DACH1: variants seen among roughly 807,000 people sequenced by gnomAD.
The protein encoded by DACH1 is dachshund family transcription factor 1, also known as dachshund homolog 1.
Under a neutral mutation model 54.2 loss-of-function variants are expected in DACH1, and 12 were observed. The ratio of observed to expected loss-of-function variants is 0.22; its 90% confidence interval spans 0.14 to 0.36. DACH1 has a LOEUF of 0.36. Ranked by LOEUF, DACH1 falls within the 10% of genes least tolerant of loss-of-function variation. The pLI is 1.00. For missense variants in DACH1, 805 were observed against 929.8 expected, an observed-to-expected ratio of 0.87 and a Z score of 1.75; for synonymous variants, 386 against 366.2, an observed-to-expected ratio of 1.05 and a Z score of -0.62.
chr13:71,559,531 T>C (rs977924032), intron 5 of DACH1, among the ~76,000 whole-genome samples: 2 of 152,210 alleles, frequency 1.3e-5, no homozygotes, highest in Non-Finnish European at 2.9e-5. Context: ...GAATTGGCTG[T>C]GTTTACTTCA....
chr13:71,803,725 T>A (rs1312700243), intron 1 of DACH1, among the ~76,000 whole-genome samples: 1 of 152,164 alleles, frequency 6.6e-6, no homozygotes, highest in Non-Finnish European at 1.5e-5. Flanking sequence ...GGAATCAGGC[T>A]TAAATCAGCT....
At chr13:71,651,878 C>T (rs748713779) in intron 2 of DACH1, among the ~76,000 whole-genome samples, 12 of 152,076 alleles carry the variant, frequency 7.9e-5, no homozygotes, top group Non-Finnish European at 1.6e-4. Flanking sequence ...TTCATGTGTT[C>T]AGAAAGATTA....
intron 7 of DACH1, among the ~76,000 whole-genome samples, chr13:71,484,988 G>A (rs569400596): frequency 5.9e-5 from 9 of 152,056 alleles, no homozygotes; most frequent in Admixed American, 3.9e-4. Context: ...CTTGAGAGGC[G>A]GAAGTTGCAG....
At chr13:71,511,924 C>A (rs1266193173) in intron 6 of DACH1, among the ~76,000 whole-genome samples, 1 of 151,864 alleles carries the variant, frequency 6.6e-6, no homozygotes, top group East Asian at 1.9e-4. Flanking sequence ...TCTACTCTGG[C>A]CTTGGGTCCT....
intron 6 of DACH1, among the ~76,000 whole-genome samples, chr13:71,529,184 T>TTTTTTTTTG (rs1491504735): frequency 9.7e-4 from 4 of 4,112 alleles, no homozygotes; most frequent in African/African-American, 1.1e-3. Flanking sequence ...GTGATTTGGG[T>TTTTTTTTTG]TTTTTTTTTT....
chr13:71,441,158 G>T (rs556386379), intron 10 of DACH1, among the ~76,000 whole-genome samples: 29 of 152,074 alleles, frequency 1.9e-4, no homozygotes, highest in African/African-American at 6.0e-4. Context: ...GTGCACATTC[G>T]TTGCTATTTA....
At chr13:71,641,258 C>A (rs941678128) in intron 2 of DACH1, among the ~76,000 whole-genome samples, 3 of 151,934 alleles carry the variant, frequency 2.0e-5, no homozygotes, top group African/African-American at 7.3e-5. Context: ...TGTACACATA[C>A]ATATATATAC....
intron 6 of DACH1, among the ~76,000 whole-genome samples, chr13:71,523,955 A>G (rs1043344418): frequency 4.6e-5 from 7 of 152,112 alleles, no homozygotes; most frequent in African/African-American, 1.4e-4. Flanking sequence ...CACCATTTAC[A>G]TTTTAGTTTA....
At chr13:71,565,617 AG>A (rs1174069616) in intron 4 of DACH1, among the ~76,000 whole-genome samples, 18 of 152,172 alleles carry the variant, frequency 1.2e-4, no homozygotes, top group African/African-American at 3.6e-4. Context: ...GTTGAGGACC[AG>A]GCAGCCCAAA....
intron 1 of DACH1, among the ~76,000 whole-genome samples, chr13:71,805,903 G>A (rs1024070949): frequency 6.6e-6 from 1 of 152,066 alleles, no homozygotes; most frequent in African/African-American, 2.4e-5. Context: ...TACCTCCCGG[G>A]TTCAAACGAT....
chr13:71,524,952 A>G (rs1051682948), intron 6 of DACH1, among the ~76,000 whole-genome samples: 1 of 152,148 alleles, frequency 6.6e-6, no homozygotes, highest in Non-Finnish European at 1.5e-5. Flanking sequence ...TAGCGGCAGG[A>G]CCTTAAAAAG....
At chr13:71,725,929 T>C (rs915895662) in intron 1 of DACH1, among the ~76,000 whole-genome samples, 5 of 152,176 alleles carry the variant, frequency 3.3e-5, no homozygotes, top group African/African-American at 7.2e-5. Context: ...CACAAAGTTA[T>C]GTATTTGCTA....
rs199677715 is a variant in DACH1, at chr13:71,545,567, AAAGGAAGG to A, written c.1570+11449_1570+11456del. On this transcript the variant is annotated intron_variant, in intron 6 of 10. Transcript: ENST00000613252. ...GGAAGGAGGGAGGGAGAGAGGGAGG[AAAGGAAGG>A]AAGGAAGGGAGGGAGGAAGGAAGGA... Among the ~76,000 whole-genome samples the A allele has an allele frequency of 2.7e-5, 4 of 150,398 alleles. No individual in the cohort carries two copies. The South Asian group carries it at 6.3e-4, about 24-fold the overall frequency.
At chr13:71,676,770 T>G (rs777928933) in intron 2 of DACH1, among the ~76,000 whole-genome samples, 67 of 152,334 alleles carry the variant, frequency 4.4e-4, no homozygotes, top group Non-Finnish European at 7.6e-4. Context: ...CCCGGTCCAG[T>G]ATTTTTTCCA....
intron 1 of DACH1, among the ~76,000 whole-genome samples, chr13:71,703,389 G>A (rs1882258113): frequency 6.6e-6 from 1 of 152,120 alleles, no homozygotes; most frequent in African/African-American, 2.4e-5. Flanking sequence ...CCCTTCCTGA[G>A]CCTCTGTTGT....
At position 71,537,289 on chromosome 13, in the gene DACH1, G is replaced by A. The variant is rs139758298; in HGVS notation, c.1570+19735C>T. ...TCAGCCGCAGTTCAAATGTTGCCCA[G>A]AGAAGCCTCTTGGTGCCATCCTATG... On this transcript the variant is annotated intron_variant, in intron 6 of 10. Transcript: ENST00000613252. Among the ~76,000 whole-genome samples the A allele has an allele frequency of 9.9e-5, 15 of 152,192 alleles. No homozygotes were observed. In the East Asian group the frequency reaches 2.9e-3, roughly 30 times the overall value.
chr13:71,847,760 A>G (rs978552390), intron 1 of DACH1, among the ~76,000 whole-genome samples: 3 of 152,198 alleles, frequency 2.0e-5, no homozygotes, highest in Non-Finnish European at 4.4e-5. Context: ...ACTAAATTTC[A>G]CAATATAATA....
chr13:71,702,757 A>T (rs1438183498), intron 1 of DACH1, among the ~76,000 whole-genome samples: 2 of 152,144 alleles, frequency 1.3e-5, no homozygotes, highest in Admixed American at 6.6e-5. Context: ...ATTAAACCAT[A>T]AATTACTTCT....
chr13:71,594,382 T>C (rs905240751), intron 3 of DACH1, among the ~76,000 whole-genome samples: 9 of 152,068 alleles, frequency 5.9e-5, no homozygotes, highest in African/African-American at 2.2e-4. Flanking sequence ...TAGAGAGATA[T>C]AACTACCTAC....
Sources: gnomAD v4.1 joint callset for allele counts (sites outside exome capture counted in the v4.1 genomes callset) on GRCh38, gnomAD v4.1.1 for gene constraint, MANE v1.5 for transcripts, NCBI Gene and HGNC (gene_info 2026-07-23, HGNC 2026-07-21) for gene names.